Variants in ARHGAP6 observed in about 807,000 individuals in gnomAD.
The protein encoded by ARHGAP6 is Rho GTPase activating protein 6, also known as rho GTPase-activating protein 6.
Under a neutral mutation model 55.7 loss-of-function variants are expected in ARHGAP6, and 16 were observed. The ratio of observed to expected loss-of-function variants is 0.29; its 90% CI spans 0.19 to 0.44. ARHGAP6 has a LOEUF of 0.44. Among genes scored for constraint, ARHGAP6 ranks in the 20% least tolerant of loss-of-function variants. ARHGAP6 has a pLI of 1.00. For synonymous variants in ARHGAP6, 382 were observed against 360.9 expected (o/e 1.06, Z -0.66); for missense variants, 698 against 808.9 (o/e 0.86, Z 1.66).
intron 2 of ARHGAP6, among the ~76,000 whole-genome samples, chrX:11,208,241 T>G (rs2046737124): frequency 9.0e-6 from 1 of 111,028 alleles, no homozygotes; most frequent in African/African-American, 3.3e-5. Flanking sequence ...GTGGAGGCCA[T>G]GGGTCATCCA....
chrX:11,374,853 CT>C (rs2049182942), intron 1 of ARHGAP6, among the ~76,000 whole-genome samples: 2 of 111,658 alleles, frequency 1.8e-5, no homozygotes, highest in South Asian at 7.5e-4. Context: ...TGTCATATTT[CT>C]GATTGTCACC....
intron 1 of ARHGAP6, among the ~76,000 whole-genome samples, chrX:11,564,319 T>A (rs2147098807): frequency 9.0e-6 from 1 of 111,403 alleles, no homozygotes; most frequent in East Asian, 2.8e-4. Flanking sequence ...CACTATTGAT[T>A]ACAACTTCCA....
intron 3 of ARHGAP6, among the ~76,000 whole-genome samples, chrX:11,195,383 G>A (rs1476448886): frequency 9.1e-6 from 1 of 109,686 alleles, no homozygotes; most frequent in Admixed American, 9.7e-5. Context: ...AAATTGGACT[G>A]CGTCAATGGG....
At chrX:11,374,699 T>C (rs932798223) in intron 1 of ARHGAP6, among the ~76,000 whole-genome samples, 3 of 112,323 alleles carry the variant, frequency 2.7e-5, no homozygotes, top group Non-Finnish European at 5.6e-5. Context: ...CGTAAGAAGT[T>C]AAACTAAAAC....
intron 2 of ARHGAP6, among the ~76,000 whole-genome samples, chrX:11,201,903 C>T (rs997697039): frequency 2.1e-4 from 23 of 110,033 alleles, no homozygotes; most frequent in African/African-American, 7.3e-4. Context: ...GAATATAACC[C>T]AACCATATCA....
chrX:11,214,294 T>C (rs914265290), intron 2 of ARHGAP6, among the ~76,000 whole-genome samples: 1 of 110,344 alleles, frequency 9.1e-6, no homozygotes. Flanking sequence ...CGTGTGTGTG[T>C]GCACATACAT....
intron 1 of ARHGAP6, among the ~76,000 whole-genome samples, chrX:11,323,635 T>C (rs920116618): frequency 1.8e-5 from 2 of 110,939 alleles, no homozygotes; most frequent in African/African-American, 3.3e-5. Flanking sequence ...GATGCTGAGG[T>C]GCACAGATCA....
intron 1 of ARHGAP6, among the ~76,000 whole-genome samples, chrX:11,429,264 G>A (rs2049919615): frequency 1.8e-5 from 2 of 112,670 alleles, no homozygotes; most frequent in Non-Finnish European, 3.7e-5. Flanking sequence ...AAATTCAAAT[G>A]TTTAAGTGCA....
chrX:11,524,808 C>T (rs2147882419), intron 1 of ARHGAP6, among the ~76,000 whole-genome samples: 1 of 111,270 alleles, frequency 9.0e-6, no homozygotes, highest in African/African-American at 3.3e-5. Context: ...AATAATTATA[C>T]AACTCACCGT....
intron 1 of ARHGAP6, among the ~76,000 whole-genome samples, chrX:11,596,310 A>T (rs1274234868): frequency 8.9e-6 from 1 of 111,841 alleles, no homozygotes; most frequent in Non-Finnish European, 1.9e-5. Context: ...CTCTCAGCAA[A>T]CTACCACAAG....
intron 1 of ARHGAP6, among the ~76,000 whole-genome samples, chrX:11,274,659 A>G (rs756318079): frequency 1.8e-5 from 2 of 110,807 alleles, no homozygotes; most frequent in East Asian, 5.7e-4. Flanking sequence ...GTACATGTGC[A>G]GGATGTGCAG....
In ARHGAP6 at chrX:11,178,213, G is replaced by A. The variant is rs1377983071; in HGVS notation, c.1516C>T (p.Leu506Phe). Residue 506 changes from leucine (L) to phenylalanine (F), a missense_variant, in exon 8 of 13, where the codon CTC (leucine) becomes TTC (phenylalanine). Around this residue, in one of 3 missense-constraint regions of ARHGAP6, gnomAD observed 322 missense variants for 451.1 expected, o/e 0.71. Transcript: ENST00000337414. ...CAGGGAGGTAGAAGGTATATGAGGA[G>A]CTGCAAGGTGCCCAGCTGTTCCTCC... ...EPEEQLGTLQ[L>F]LIYLLPPCNC... 3.3e-6 allele frequency: 4 copies of A among 1,209,177 alleles called. No individual in the cohort carries two copies. The highest frequency in any genetic ancestry group is 4.5e-6 in the Non-Finnish European group (4 of 894,458).
At chrX:11,599,519 G>A (rs1441241971) in intron 1 of ARHGAP6, among the ~76,000 whole-genome samples, 5 of 111,625 alleles carry the variant, frequency 4.5e-5, no homozygotes, top group African/African-American at 1.6e-4. Context: ...GGACATTATG[G>A]TAAATGAAAT....
At chrX:11,490,618 T>A (rs73486517) in intron 1 of ARHGAP6, among the ~76,000 whole-genome samples, 12,052 of 111,630 alleles carry the variant, frequency 0.11, 629 homozygotes, top group African/African-American at 0.18. Context: ...AAACTAATAC[T>A]ATTAGGAAAA....
At chrX:11,288,993 A>G (rs1246765818) in intron 1 of ARHGAP6, among the ~76,000 whole-genome samples, 1 of 112,242 alleles carries the variant, frequency 8.9e-6, no homozygotes, top group Non-Finnish European at 1.9e-5. Flanking sequence ...CTCTTTTAAC[A>G]CAGATGTACC....
At chrX:11,161,814 G>A (rs1295300040) in intron 9 of ARHGAP6, among the ~76,000 whole-genome samples, 5 of 111,666 alleles carry the variant, frequency 4.5e-5, no homozygotes. Context: ...CTTCTTTTGG[G>A]TAACTCAGTT....
At chrX:11,235,432 G>A (rs1298297312) in intron 2 of ARHGAP6, among the ~76,000 whole-genome samples, 1 of 111,302 alleles carries the variant, frequency 9.0e-6, no homozygotes. Context: ...TGTGATGGGA[G>A]GGGCTGCCGT....
intron 1 of ARHGAP6, among the ~76,000 whole-genome samples, chrX:11,275,664 C>G (rs1357781964): frequency 1.8e-5 from 2 of 111,848 alleles, no homozygotes; most frequent in Admixed American, 9.5e-5. Flanking sequence ...AGATGAAGTT[C>G]TCAACTCTGA....
At chrX:11,623,837 C>T (rs1306104900) in intron 1 of ARHGAP6, among the ~76,000 whole-genome samples, 3 of 111,839 alleles carry the variant, frequency 2.7e-5, no homozygotes, top group African/African-American at 9.8e-5. Context: ...AATGCAATCC[C>T]TATCAAAATA....
Sources: gnomAD v4.1 joint callset for allele counts (sites outside exome capture counted in the v4.1 genomes callset) on GRCh38, gnomAD v4.1.1 for gene constraint, gnomAD v4.1.1 regional missense constraint, MANE v1.5 for transcripts, NCBI Gene and HGNC (gene_info 2026-07-23, HGNC 2026-07-21) for gene names.